Variants in CDH13 observed in about 807,000 individuals in gnomAD.
The protein encoded by CDH13 is cadherin 13, also known as cadherin-13.
Under a neutral mutation model 63.8 loss-of-function variants are expected in CDH13, and 24 were observed. That is an observed-to-expected ratio of 0.38 (90% confidence interval 0.27 to 0.53). The LOEUF (loss-of-function observed/expected upper bound fraction) is 0.53, where lower values mean the gene tolerates loss of function less well. Among genes scored for constraint, CDH13 ranks in the 20% least tolerant of loss-of-function variants. The pLI is 0.85. For missense variants in CDH13, 1,049 were observed against 903.1 expected, an observed-to-expected ratio of 1.16 and a Z score of -2.07; for synonymous variants, 503 against 355.3, an observed-to-expected ratio of 1.42 and a Z score of -4.67.
chr16:83,273,023 G>C (rs977759837), intron 5 of CDH13, among the ~76,000 whole-genome samples: 1 of 152,102 alleles, frequency 6.6e-6, no homozygotes, highest in Non-Finnish European at 1.5e-5. Context: ...CCTGTGGCTG[G>C]TGCCTACACA....
At chr16:82,672,307 C>T (rs1189914241) in intron 1 of CDH13, among the ~76,000 whole-genome samples, 2 of 152,142 alleles carry the variant, frequency 1.3e-5, no homozygotes, top group Non-Finnish European at 2.9e-5. Context: ...CATTATTACT[C>T]CTTGATAGAT....
chr16:83,130,917 A>G (rs960505585), intron 4 of CDH13, among the ~76,000 whole-genome samples: 9 of 152,296 alleles, frequency 5.9e-5, no homozygotes, highest in African/African-American at 2.2e-4. Context: ...CCCTTGGTGG[A>G]GGGTTTTTCA....
Position 83,217,507 on chromosome 16 carries a change from C to A in CDH13, c.636+10C>A. The A allele has an allele frequency of 1.2e-6, 2 of 1,610,992 alleles. No individual in the cohort carries two copies. The highest frequency in any genetic ancestry group is 1.7e-6 in the Non-Finnish European group (2 of 1,177,790). On this transcript the variant is annotated intron_variant, in intron 5 of 13. Transcript: ENST00000567109. ...AATCGCTGTTTATCAAGTGAGTACC[C>A]CTCTCCCATGCCCACCCTGTGCGCA...
intron 8 of CDH13, among the ~76,000 whole-genome samples, chr16:83,668,749 A>T (rs947049726): frequency 1.3e-5 from 2 of 151,970 alleles, no homozygotes; most frequent in Non-Finnish European, 2.9e-5. Context: ...TTTGGGCAGC[A>T]CTCTTCCTTC....
chr16:82,728,584 C>A (rs2033228483), intron 1 of CDH13, among the ~76,000 whole-genome samples: 1 of 152,062 alleles, frequency 6.6e-6, no homozygotes, highest in Non-Finnish European at 1.5e-5. Context: ...TATGAATGAT[C>A]ATTTGAGCCT....
At chr16:83,604,161 T>TG (rs943331843) in intron 8 of CDH13, among the ~76,000 whole-genome samples, 1 of 152,132 alleles carries the variant, frequency 6.6e-6, no homozygotes, top group African/African-American at 2.4e-5. Context: ...TCCCCCTGCA[T>TG]GGCTCACTCA....
chr16:83,676,228 C>T (rs1914942156), intron 9 of CDH13, among the ~76,000 whole-genome samples: 1 of 152,132 alleles, frequency 6.6e-6, no homozygotes, highest in Admixed American at 6.5e-5. Flanking sequence ...CCCCAGAAAC[C>T]CCACTATCCT....
intron 6 of CDH13, among the ~76,000 whole-genome samples, chr16:83,396,030 T>A (rs1217076938): frequency 6.6e-6 from 1 of 152,150 alleles, no homozygotes; most frequent in African/African-American, 2.4e-5. Context: ...CCACTATGAG[T>A]GGGAACATGT....
Position 83,799,419 on chromosome 16 carries a change from G to C in CDH13, c.*4389G>C, listed in dbSNP as rs1243381714. ...GGAGAAAGTGGGGTGGGGTCTCAAA[G>C]GGTTTGCACTGTGCTTTGCTATAAA... is the stretch of plus-strand genomic sequence containing the variant. On this transcript the variant is annotated 3_prime_UTR_variant, in exon 14 of 14. Transcript: ENST00000567109. The C allele has an allele frequency of 6.6e-6, 1 of 152,104 alleles. No individual in the cohort carries two copies. The highest frequency in any genetic ancestry group is 1.5e-5 in the Non-Finnish European group (1 of 68,036). The allele number at this position is 152,104 out of a possible 1,614,324, so 9.4% of individuals were successfully genotyped here.
At chr16:83,039,566 A>G (rs1917159175) in intron 3 of CDH13, among the ~76,000 whole-genome samples, 1 of 152,120 alleles carries the variant, frequency 6.6e-6, no homozygotes, top group Admixed American at 6.5e-5. Context: ...CCTTGGATGA[A>G]TATAGGAACA....
intron 2 of CDH13, among the ~76,000 whole-genome samples, chr16:82,943,006 G>A (rs764524359): frequency 3.3e-5 from 5 of 152,144 alleles, no homozygotes; most frequent in Non-Finnish European, 7.4e-5. Flanking sequence ...AACTAAGAAT[G>A]AGCTAATTGA....
At chr16:82,726,300 C>A (rs529365015) in intron 1 of CDH13, among the ~76,000 whole-genome samples, 8 of 152,224 alleles carry the variant, frequency 5.3e-5, no homozygotes, top group South Asian at 4.1e-4. Flanking sequence ...TTCATCACAG[C>A]TACTCAATTC....
chr16:83,062,973 T>C (rs556367085), intron 3 of CDH13, among the ~76,000 whole-genome samples: 1 of 151,758 alleles, frequency 6.6e-6, no homozygotes, highest in East Asian at 1.9e-4. Flanking sequence ...TTTTTTTTTT[T>C]TTTTTTTGAG....
chr16:83,188,116 T>C (rs2038583773), intron 4 of CDH13, among the ~76,000 whole-genome samples: 1 of 152,124 alleles, frequency 6.6e-6, no homozygotes, highest in Admixed American at 6.5e-5. Flanking sequence ...CATGAGGACT[T>C]TGGCCTTTAT....
At chr16:82,861,232 A>T (rs1456562889) in intron 2 of CDH13, among the ~76,000 whole-genome samples, 1 of 152,240 alleles carries the variant, frequency 6.6e-6, no homozygotes, top group Non-Finnish European at 1.5e-5. Context: ...GATTAGTAGC[A>T]TCATCTTGTG....
chr16:82,924,699 C>T (rs1441392088), intron 2 of CDH13, among the ~76,000 whole-genome samples: 1 of 152,108 alleles, frequency 6.6e-6, no homozygotes. Flanking sequence ...GTTTCCAGTG[C>T]AGTAGCACCA....
intron 5 of CDH13, among the ~76,000 whole-genome samples, chr16:83,255,311 T>G (rs1228858424): frequency 6.6e-6 from 1 of 152,192 alleles, no homozygotes; most frequent in Non-Finnish European, 1.5e-5. Context: ...GGCCTCCTGC[T>G]CCATCCTCCA....
intron 8 of CDH13, among the ~76,000 whole-genome samples, chr16:83,664,983 A>C (rs1190372450): frequency 1.3e-5 from 2 of 152,208 alleles, no homozygotes; most frequent in Admixed American, 6.5e-5. Flanking sequence ...GACACAACAA[A>C]TATTTATTAA....
At chr16:82,788,569 T>G (rs1010087738) in intron 1 of CDH13, among the ~76,000 whole-genome samples, 1 of 152,230 alleles carries the variant, frequency 6.6e-6, no homozygotes, top group Non-Finnish European at 1.5e-5. Flanking sequence ...GAGGAACACT[T>G]ACATTTTCTG....
Sources: allele counts gnomAD v4.1 joint callset (sites outside exome capture counted in the v4.1 genomes callset), GRCh38; gene constraint gnomAD v4.1.1; transcripts MANE v1.5; gene names NCBI Gene and HGNC (gene_info 2026-07-23, HGNC 2026-07-21).